The following DOK5 variants were observed in gnomAD, a reference collection of about 807,000 sequenced individuals.
DOK5 encodes docking protein 5.
Under a neutral mutation model 43.3 loss-of-function variants are expected in DOK5, and 27 were observed. The observed-to-expected ratio is 0.62, with a 90% CI of 0.46 to 0.86. The LOEUF (loss-of-function observed/expected upper bound fraction) is 0.86. Ranked by LOEUF, DOK5 falls within the 40% of genes least tolerant of loss-of-function variation. The probability of loss-of-function intolerance (pLI) is 0.00; values close to 1 mark genes in which losing one functional copy is unlikely to be tolerated. For missense variants in DOK5, 373 were observed against 392.9 expected (o/e 0.95, Z 0.43); for synonymous variants, 146 against 140.1 (o/e 1.04, Z -0.30).
At chr20:54,527,739 A>G (rs1265324320) in intron 1 of DOK5, among the ~76,000 whole-genome samples, 2 of 152,206 alleles carry the variant, frequency 1.3e-5, no homozygotes, top group African/African-American at 4.8e-5. Flanking sequence ...TCCACCAGTA[A>G]GATTTAAGGT....
chr20:54,569,235 C>T (rs902739325), intron 2 of DOK5, among the ~76,000 whole-genome samples: 7 of 152,218 alleles, frequency 4.6e-5, no homozygotes, highest in African/African-American at 7.2e-5. Flanking sequence ...GTGGTTCTTG[C>T]GTAAATTATA....
At chr20:54,498,634 T>G (rs1160546738) in intron 1 of DOK5, among the ~76,000 whole-genome samples, 2 of 152,342 alleles carry the variant, frequency 1.3e-5, no homozygotes, top group South Asian at 2.1e-4. Flanking sequence ...CAAGTGTTGG[T>G]GTTTGCTGTT....
chr20:54,478,723 C>T (rs1314086099), intron 1 of DOK5, among the ~76,000 whole-genome samples: 2 of 152,142 alleles, frequency 1.3e-5, no homozygotes. Flanking sequence ...CTTTCTTGGC[C>T]TCAGTTTCCT....
intron 1 of DOK5, among the ~76,000 whole-genome samples, chr20:54,506,969 A>G (rs1382496567): frequency 6.6e-6 from 1 of 152,200 alleles, no homozygotes; most frequent in Admixed American, 6.5e-5. Context: ...AGTTTATTTA[A>G]TCTATCTATA....
At chr20:54,478,933 T>A (rs529228510) in intron 1 of DOK5, among the ~76,000 whole-genome samples, 23 of 152,324 alleles carry the variant, frequency 1.5e-4, no homozygotes, top group Non-Finnish European at 2.4e-4. Flanking sequence ...TAAATGTTTA[T>A]GCAGCTCCAG....
intron 6 of DOK5, among the ~76,000 whole-genome samples, chr20:54,631,128 C>T (rs1311491144): frequency 6.6e-6 from 1 of 152,156 alleles, no homozygotes; most frequent in Non-Finnish European, 1.5e-5. Flanking sequence ...TCATAATATA[C>T]TAAATGACAA....
intron 5 of DOK5, 22 bp downstream of exon 5, chr20:54,591,827 G>A (rs1215136354): frequency 6.2e-7 from 1 of 1,601,838 alleles, no homozygotes; most frequent in Non-Finnish European, 8.5e-7. Context: ...GACTTTTAAT[G>A]ACTATTTTTC....
intron 1 of DOK5, among the ~76,000 whole-genome samples, chr20:54,512,015 G>C (rs974271598): frequency 6.6e-6 from 1 of 152,112 alleles, no homozygotes; most frequent in African/African-American, 2.4e-5. Context: ...TTGAACCTGT[G>C]GCTGTGTCTA....
At chr20:54,565,260 AT>A (rs1985055943) in intron 2 of DOK5, among the ~76,000 whole-genome samples, 1 of 152,214 alleles carries the variant, frequency 6.6e-6, no homozygotes, top group Non-Finnish European at 1.5e-5. Flanking sequence ...ACAATAAGAG[AT>A]TGACAATAAC....
At chr20:54,533,230 C>T (rs1378630704) in intron 1 of DOK5, among the ~76,000 whole-genome samples, 1 of 152,136 alleles carries the variant, frequency 6.6e-6, no homozygotes, top group Non-Finnish European at 1.5e-5. Context: ...CCATGAGATG[C>T]CATTAGAAAC....
chr20:54,539,606 T>C (rs1190248151), intron 1 of DOK5, among the ~76,000 whole-genome samples: 1 of 152,168 alleles, frequency 6.6e-6, no homozygotes, highest in Non-Finnish European at 1.5e-5. Context: ...CTGTTTGCTG[T>C]CATGGGCTCC....
At chr20:54,598,451 C>T (rs1436536905) in intron 5 of DOK5, among the ~76,000 whole-genome samples, 1 of 152,160 alleles carries the variant, frequency 6.6e-6, no homozygotes, top group East Asian at 1.9e-4. Flanking sequence ...GCAAAATCTC[C>T]CTTGGAACCA....
chr20:54,565,238 C>A (rs1350259639), intron 2 of DOK5, among the ~76,000 whole-genome samples: 8 of 152,048 alleles, frequency 5.3e-5, no homozygotes, highest in Non-Finnish European at 1.2e-4. Context: ...AAGTTTAATT[C>A]ATAAATTAGG....
rs114762316 is a variant in DOK5, at chr20:54,512,325, C to T, written c.66+36313C>T. On this transcript the variant is annotated intron_variant, in intron 1 of 7. Coordinates refer to ENST00000262593, the MANE Select transcript of DOK5 (RefSeq NM_018431.5). ...CAGTCTTTTAGATTTTCTGCTGGTCCCATAAATATTGCAATACATTGTTTA... is the reference window on the plus strand; with the variant it reads ...CAGTCTTTTAGATTTTCTGCTGGTCTCATAAATATTGCAATACATTGTTTA... Among the ~76,000 whole-genome samples, 388 of 152,226 alleles carry T rather than the reference C, an allele frequency of 2.5e-3. 2 individuals are homozygous for T. The highest frequency in any genetic ancestry group is 8.7e-3 in the African/African-American group (363 of 41,532).
intron 7 of DOK5, 121 bp downstream of exon 7, chr20:54,643,699 G>T: frequency 7.4e-7 from 1 of 1,348,014 alleles, no homozygotes. Flanking sequence ...CCAAAGGTAG[G>T]ACCCCCATCA....
chr20:54,513,174 C>G (rs1290550788), intron 1 of DOK5, among the ~76,000 whole-genome samples: 2 of 152,088 alleles, frequency 1.3e-5, no homozygotes, highest in African/African-American at 2.4e-5. Flanking sequence ...CCCAGGGATG[C>G]TCCTGGAGAT....
chr20:54,524,353 G>A (rs1983511598), intron 1 of DOK5, among the ~76,000 whole-genome samples: 1 of 152,172 alleles, frequency 6.6e-6, no homozygotes, highest in African/African-American at 2.4e-5. Flanking sequence ...GATATATGCT[G>A]TTAAATGGCC....
intron 5 of DOK5, among the ~76,000 whole-genome samples, chr20:54,601,231 C>T (rs1025350618): frequency 1.3e-5 from 2 of 152,176 alleles, no homozygotes; most frequent in Non-Finnish European, 2.9e-5. Context: ...AGCAGTTTAC[C>T]CCACTTACTA....
intron 6 of DOK5, among the ~76,000 whole-genome samples, chr20:54,612,168 T>G (rs1986671198): frequency 6.6e-6 from 1 of 152,216 alleles, no homozygotes; most frequent in Non-Finnish European, 1.5e-5. Context: ...TTTTTTTCAT[T>G]GTTTGTTTTT....
Sources: gnomAD v4.1 joint callset for allele counts (sites outside exome capture counted in the v4.1 genomes callset) on GRCh38, gnomAD v4.1.1 for gene constraint, MANE v1.5 for transcripts, NCBI Gene and HGNC (gene_info 2026-07-23, HGNC 2026-07-21) for gene names.